Variants in WDR17 observed in about 807,000 individuals in gnomAD.
The protein encoded by WDR17 is WD repeat-containing protein 17.
A neutral mutation model predicts 161.7 loss-of-function variants in WDR17; 143 were observed. The ratio of observed to expected loss-of-function variants is 0.88; its 90% CI spans 0.77 to 1.02. The LOEUF is 1.02. WDR17 is among the 50% of genes least tolerant of loss of function. The probability of loss-of-function intolerance (pLI) is 0.00; values close to 1 mark genes in which losing one functional copy is unlikely to be tolerated. For missense variants in WDR17, 1,469 were observed against 1,520.9 expected (o/e 0.97, Z 0.57); for synonymous variants, 517 against 515.6 (o/e 1.00, Z -0.04).
intron 21 of WDR17, 130 bp downstream of exon 21, chr4:176,162,304 A>C: frequency 1.8e-5 from 12 of 677,094 alleles, no homozygotes; most frequent in Non-Finnish European, 2.9e-5. Flanking sequence ...TGAGTAATTA[A>C]GTAATTACAT....
intron 1 of WDR17, among the ~76,000 whole-genome samples, chr4:176,071,652 A>G (rs746351819): frequency 3.3e-5 from 5 of 152,150 alleles, no homozygotes; most frequent in Non-Finnish European, 5.9e-5. Context: ...CCTCTCTCAG[A>G]ATGGTCACAA....
intron 17 of WDR17, 94 bp from the exon 18 acceptor site, chr4:176,155,985 T>C: frequency 1.8e-6 from 2 of 1,110,496 alleles, no homozygotes; most frequent in Non-Finnish European, 2.6e-6. Context: ...AAAAATACTA[T>C]ATTATAAATA....
intron 4 of WDR17, among the ~76,000 whole-genome samples, chr4:176,123,599 A>G (rs1212619029): frequency 6.6e-6 from 1 of 152,178 alleles, no homozygotes; most frequent in African/African-American, 2.4e-5. Context: ...TATAAAGAAT[A>G]TTACAAGGAT....
intron 11 of WDR17, among the ~76,000 whole-genome samples, chr4:176,142,497 G>A (rs548444246): frequency 1.3e-5 from 2 of 152,172 alleles, no homozygotes; most frequent in African/African-American, 4.8e-5. Context: ...AATTTTCCAC[G>A]ATGTGGAACT....
At chr4:176,091,229 G>C (rs1736083024) in intron 1 of WDR17, among the ~76,000 whole-genome samples, 1 of 152,186 alleles carries the variant, frequency 6.6e-6, no homozygotes, top group African/African-American at 2.4e-5. Context: ...TCATTTATAA[G>C]AGGAGACCAT....
chr4:176,126,556 A>G (rs887622553), intron 5 of WDR17, among the ~76,000 whole-genome samples: 1 of 152,222 alleles, frequency 6.6e-6, no homozygotes, highest in Non-Finnish European at 1.5e-5. Context: ...TGAATGATAA[A>G]TGTTAGGGGA....
intron 19 of WDR17, 111 bp from the exon 20 acceptor site, chr4:176,160,800 A>C: frequency 1.2e-6 from 1 of 837,968 alleles, no homozygotes; most frequent in Admixed American, 3.2e-5. Flanking sequence ...TCCAAATTAT[A>C]GTATAAATTT....
chr4:176,112,171 A>G (rs542711860), intron 2 of WDR17, among the ~76,000 whole-genome samples: 3 of 152,324 alleles, frequency 2.0e-5, no homozygotes, highest in East Asian at 3.9e-4. Flanking sequence ...ATTCAAAGTC[A>G]GTATCTCAGT....
intron 22 of WDR17, among the ~76,000 whole-genome samples, chr4:176,167,972 C>T (rs1456921517): frequency 2.0e-5 from 3 of 151,570 alleles, no homozygotes; most frequent in Non-Finnish European, 4.4e-5. Flanking sequence ...CATGGTGAAA[C>T]CCTGTCTCTA....
chr4:176,124,593 T>TA lies in WDR17; in HGVS notation c.539-504dup, dbSNP rs565757237. Among the ~76,000 whole-genome samples, 729 of 152,050 alleles carry TA rather than the reference T, an allele frequency of 4.8e-3. 7 individuals are homozygous for TA. The highest frequency in any genetic ancestry group is 6.1e-3 in the Non-Finnish European group (414 of 67,966). On this transcript the variant is annotated intron_variant, in intron 4 of 28. Transcript: ENST00000508596. ...TAAGTATTGTTATCTTCTCCATTAT[T>TA]AAAAAAAGAAAAAAACCACAAGACT...
At chr4:176,159,779 A>G (rs1268127797) in intron 18 of WDR17, among the ~76,000 whole-genome samples, 2 of 152,220 alleles carry the variant, frequency 1.3e-5, no homozygotes, top group Non-Finnish European at 2.9e-5. Flanking sequence ...GTCATGTTCT[A>G]AAGACAAACA....
intron 8 of WDR17, among the ~76,000 whole-genome samples, chr4:176,136,213 G>A (rs138361719): frequency 6.6e-6 from 1 of 151,692 alleles, no homozygotes; most frequent in East Asian, 1.9e-4. Flanking sequence ...ACAGAAAAAG[G>A]TTTTACTTAC....
chr4:176,124,754 G>A (rs1050728138), intron 4 of WDR17, among the ~76,000 whole-genome samples: 7 of 152,166 alleles, frequency 4.6e-5, no homozygotes, highest in Non-Finnish European at 7.3e-5. Flanking sequence ...ATTTCAATAA[G>A]CACTTTCCCT....
intron 22 of WDR17, 57 bp downstream of exon 22, chr4:176,163,350 CATT>C: frequency 6.5e-7 from 1 of 1,533,004 alleles, no homozygotes; most frequent in Non-Finnish European, 8.8e-7. Flanking sequence ...ATTTTTAAAA[CATT>C]ATAAATTCCA....
In WDR17 at chr4:176,100,885, A is replaced by T. The variant is rs536462015; in HGVS notation, c.-6-10690A>T. Among the ~76,000 whole-genome samples, 3 of 152,254 alleles carry T rather than the reference A, an allele frequency of 2.0e-5. No homozygotes were observed. In the South Asian group the frequency reaches 6.2e-4, roughly 32 times the overall value. On this transcript the variant is annotated intron_variant, in intron 1 of 28. Transcript: ENST00000508596. ...GTTCTTGTTGGCCTTGTTAAAGATCAATTCACTGTAGATATGTGGCTTTAT... is the reference window on the plus strand; with the variant it reads ...GTTCTTGTTGGCCTTGTTAAAGATCTATTCACTGTAGATATGTGGCTTTAT...
rs767292492 is a variant in WDR17, at chr4:176,163,214, G to A, written c.2911G>A (p.Val971Ile). 3.7e-6 allele frequency: 6 copies of A among 1,614,092 alleles called. No homozygotes were observed. The South Asian group carries it at 5.5e-5, about 15-fold the overall frequency. Residue 971 changes from valine (V) to isoleucine (I), a missense_variant, in exon 22 of 29, where the codon GTA becomes ATA. Val to Ile is a conservative substitution (Grantham distance 29). Transcript: ENST00000508596. ...GGAGTTGGCAGTCTGTGTGGGCACA[G>A]TACTAGGAGAGTCTGCAGCACCAGC... ...ELELAVCVGT[V>I]LGESAAPATH...
chr4:176,148,033 A>G (rs1210063149), intron 12 of WDR17, 100 bp from the exon 13 acceptor site: 4 of 983,374 alleles, frequency 4.1e-6, no homozygotes, highest in Non-Finnish European at 5.7e-6. Flanking sequence ...ATGCTTCTAG[A>G]TAAGCTAACA....
chr4:176,093,873 A>C (rs1405596329), intron 1 of WDR17, among the ~76,000 whole-genome samples: 4 of 152,230 alleles, frequency 2.6e-5, no homozygotes, highest in Admixed American at 6.5e-5. Flanking sequence ...ATGCAAGATA[A>C]CATTTAATCT....
intron 1 of WDR17, among the ~76,000 whole-genome samples, chr4:176,104,001 T>TC (rs1738264448): frequency 6.6e-6 from 1 of 152,014 alleles, no homozygotes; most frequent in Non-Finnish European, 1.5e-5. Context: ...GAGTGAATCT[T>TC]GAAATTAGTA....
Sources: gnomAD v4.1 joint callset for allele counts (sites outside exome capture counted in the v4.1 genomes callset) on GRCh38, gnomAD v4.1.1 for gene constraint, MANE v1.5 for transcripts, NCBI Gene and HGNC (gene_info 2026-07-23, HGNC 2026-07-21) for gene names.